Variants in NOL4 observed in about 807,000 individuals in gnomAD.
NOL4 encodes the protein cancer/testis antigen 125.
In NOL4, 17 loss-of-function variants were observed where a neutral mutation model predicts 75.9. That is an observed-to-expected ratio of 0.22 (90% CI 0.15 to 0.34). NOL4 has a LOEUF of 0.34. Among genes scored for constraint, NOL4 ranks in the 10% least tolerant of loss-of-function variants. NOL4 has a pLI of 1.00. For synonymous variants in NOL4, 292 were observed against 289.9 expected, an observed-to-expected ratio of 1.01 and a Z score of -0.07; for missense variants, 614 against 793.5, an observed-to-expected ratio of 0.77 and a Z score of 2.72.
At chr18:33,984,408 A>T (rs1205355033) in intron 6 of NOL4, among the ~76,000 whole-genome samples, 1 of 152,086 alleles carries the variant, frequency 6.6e-6, no homozygotes, top group Non-Finnish European at 1.5e-5. Context: ...TAGGTTTTGG[A>T]TCTGTGTCCC....
chr18:33,853,933 TGAG>T (rs1278810798), intron 10 of NOL4, among the ~76,000 whole-genome samples: 1 of 152,142 alleles, frequency 6.6e-6, no homozygotes, highest in Non-Finnish European at 1.5e-5. Context: ...TCATTTGTGT[TGAG>T]AAGATACTTC....
intron 2 of NOL4, among the ~76,000 whole-genome samples, chr18:34,110,047 C>G (rs1475302361): frequency 6.9e-6 from 1 of 145,750 alleles, no homozygotes; most frequent in Non-Finnish European, 1.5e-5. Context: ...GACCTGACGG[C>G]TTCACTGGTA....
chr18:33,884,705 T>G (rs2064530175), intron 9 of NOL4, among the ~76,000 whole-genome samples: 1 of 152,066 alleles, frequency 6.6e-6, no homozygotes, highest in African/African-American at 2.4e-5. Context: ...AGAAGTATTT[T>G]GCAGCTTTTA....
intron 2 of NOL4, among the ~76,000 whole-genome samples, chr18:34,114,759 C>G (rs1026566268): frequency 3.9e-5 from 6 of 151,928 alleles, no homozygotes; most frequent in African/African-American, 1.5e-4. Flanking sequence ...AAGTAAAATG[C>G]TGGAAGTCAA....
chr18:34,019,410 C>A lies in NOL4; in HGVS notation c.964G>T (p.Asp322Tyr). The A allele has an allele frequency of 6.2e-7, 1 of 1,613,952 alleles. No homozygotes were observed. Among genetic ancestry groups the A allele is most frequent in the East Asian group, 2.2e-5 (1 of 44,840 alleles). Residue 322 changes from aspartate to tyrosine, a missense_variant, in exon 6 of 11, where the codon GAT becomes TAT. Transcript: ENST00000261592. ...TTTTTCCCATTACTGTTGTGATCAT[C>A]TATTCTGTATTCCGAAGTTAGCTGC... ...SAQLTSEYRI[D>Y]DHNSNGKNKY... is the part of the protein sequence containing the mutation.
At chr18:34,161,071 T>A (rs1354136905) in intron 1 of NOL4, among the ~76,000 whole-genome samples, 1 of 152,166 alleles carries the variant, frequency 6.6e-6, no homozygotes, top group Non-Finnish European at 1.5e-5. Flanking sequence ...TACGTGGTAT[T>A]TATCTTTTTG....
intron 5 of NOL4, among the ~76,000 whole-genome samples, chr18:34,044,726 C>A (rs1323192049): frequency 6.6e-6 from 1 of 152,114 alleles, no homozygotes; most frequent in Admixed American, 6.6e-5. Flanking sequence ...CTTTTAAAGA[C>A]TTAAAGATCA....
chr18:33,964,666 C>T (rs2070436840), intron 6 of NOL4, among the ~76,000 whole-genome samples: 1 of 152,106 alleles, frequency 6.6e-6, no homozygotes, highest in African/African-American at 2.4e-5. Flanking sequence ...GGCTCAGCTC[C>T]CTCCCAAGAT....
chr18:34,012,854 C>G (rs1345734299), intron 6 of NOL4, among the ~76,000 whole-genome samples: 2 of 151,892 alleles, frequency 1.3e-5, no homozygotes, highest in African/African-American at 2.4e-5. Context: ...GATACTATTC[C>G]TTTCTGTATA....
intron 6 of NOL4, among the ~76,000 whole-genome samples, chr18:34,008,165 A>C (rs1340865197): frequency 6.6e-6 from 1 of 151,964 alleles, no homozygotes; most frequent in Non-Finnish European, 1.5e-5. Context: ...TTGCCCTCAG[A>C]TGTTGGCACT....
At chr18:33,880,981 C>G (rs1170388452) in intron 10 of NOL4, among the ~76,000 whole-genome samples, 2 of 152,072 alleles carry the variant, frequency 1.3e-5, no homozygotes, top group African/African-American at 2.4e-5. Flanking sequence ...ATTCTCATCA[C>G]AGTCTATCCA....
chr18:34,127,162 G>A (rs2080424354), intron 2 of NOL4, among the ~76,000 whole-genome samples: 2 of 151,668 alleles, frequency 1.3e-5, no homozygotes, highest in South Asian at 4.1e-4. Flanking sequence ...TTACAATAAA[G>A]TTTAAGCTTT....
intron 5 of NOL4, among the ~76,000 whole-genome samples, chr18:34,077,033 C>T (rs1446536051): frequency 1.3e-5 from 2 of 152,150 alleles, no homozygotes; most frequent in African/African-American, 4.8e-5. Context: ...GGGCTAGGCA[C>T]AGTGGTTCAC....
chr18:34,189,578 A>C (rs1383466368), intron 1 of NOL4, among the ~76,000 whole-genome samples: 1 of 152,204 alleles, frequency 6.6e-6, no homozygotes, highest in African/African-American at 2.4e-5. Context: ...AATCCCTATT[A>C]ATGAAAAAGT....
chr18:34,051,577 C>T (rs1004017212), intron 5 of NOL4, among the ~76,000 whole-genome samples: 7 of 152,010 alleles, frequency 4.6e-5, no homozygotes, highest in African/African-American at 1.7e-4. Context: ...TTAGCATCTG[C>T]TTTATTAGAT....
chr18:34,203,685 C>CCTCTCTCTCTCTCTCTCT (rs1226376797), intron 1 of NOL4, among the ~76,000 whole-genome samples: 10 of 100,764 alleles, frequency 9.9e-5, no homozygotes, highest in African/African-American at 3.9e-4. Flanking sequence ...TCTCTCTCTC[C>CCTCTCTCTCTCTCTCTCT]CTCTCTCTCT....
chr18:33,974,060 T>C (rs1352410334), intron 6 of NOL4, among the ~76,000 whole-genome samples: 1 of 152,206 alleles, frequency 6.6e-6, no homozygotes, highest in Admixed American at 6.5e-5. Flanking sequence ...CTATCTTGTC[T>C]ACATTGAAAA....
chr18:34,025,413 C>T (rs990559936), intron 5 of NOL4, among the ~76,000 whole-genome samples: 2 of 152,120 alleles, frequency 1.3e-5, no homozygotes, highest in Non-Finnish European at 2.9e-5. Context: ...AGTAGAGCTG[C>T]CTATCATATA....
chr18:33,941,294 TA>T (rs1274056307), intron 9 of NOL4, among the ~76,000 whole-genome samples: 1 of 151,906 alleles, frequency 6.6e-6, no homozygotes, highest in African/African-American at 2.4e-5. Context: ...AGGTAGTATA[TA>T]ATATGAATAA....
Sources: gnomAD v4.1 joint callset for allele counts (sites outside exome capture counted in the v4.1 genomes callset) on GRCh38, gnomAD v4.1.1 for gene constraint, MANE v1.5 for transcripts, NCBI Gene and HGNC (gene_info 2026-07-23, HGNC 2026-07-21) for gene names.